Variants in MTHFD1 observed in about 807,000 individuals in gnomAD.
MTHFD1 encodes methylenetetrahydrofolate dehydrogenase, cyclohydrolase and formyltetrahydrofolate synthetase 1, also known as C-1-tetrahydrofolate synthase, cytoplasmic.
In MTHFD1, 44 loss-of-function variants were observed where a neutral mutation model predicts 110.3. The observed-to-expected ratio is 0.40, with a 90% confidence interval of 0.31 to 0.51. The LOEUF is 0.51. Ranked by LOEUF, MTHFD1 falls within the 20% of genes least tolerant of loss-of-function variation. MTHFD1 has a pLI of 0.60. For missense variants in MTHFD1, 909 were observed against 1,173.1 expected, an observed-to-expected ratio of 0.77 and a Z score of 3.29; for synonymous variants, 402 against 428.8, an observed-to-expected ratio of 0.94 and a Z score of 0.77.
intron 8 of MTHFD1, among the ~76,000 whole-genome samples, chr14:64,421,744 C>T (rs1482971861): frequency 6.6e-6 from 1 of 152,160 alleles, no homozygotes; most frequent in Non-Finnish European, 1.5e-5. Flanking sequence ...CCGCCTCCGC[C>T]TCCCGAGTAG....
intron 26 of MTHFD1, 79 bp from the exon 27 acceptor site, chr14:64,458,135 C>T: frequency 8.8e-7 from 1 of 1,140,346 alleles, no homozygotes; most frequent in Non-Finnish European, 1.3e-6. Flanking sequence ...AAGTGATCCT[C>T]TCCACCTCAG....
At chr14:64,418,593 G>A (rs1014467283) in intron 7 of MTHFD1, among the ~76,000 whole-genome samples, 1 of 150,962 alleles carries the variant, frequency 6.6e-6, no homozygotes, top group African/African-American at 2.4e-5. Flanking sequence ...TTTCACTCTT[G>A]TTGCCCAGGC....
rs1453699226 is a variant in MTHFD1 at position 64,459,670 on chromosome 14, G to A, written c.*5-89G>A. On this transcript the variant is annotated intron_variant, in intron 27 of 27. Transcript: ENST00000652337. ...TGTAAATGTTAACAGCTTTGGCAAT[G>A]TGAGTGGGTAATGGTGCAGTATGGA... 1.7e-5 allele frequency: 19 copies of A among 1,129,534 alleles called. No individual in the cohort carries two copies. In the Admixed American group the frequency reaches 4.8e-4, roughly 29 times the overall value. The allele number at this position is 1,129,534 out of a possible 1,614,324, so 70.0% of individuals were successfully genotyped here.
intron 1 of MTHFD1, among the ~76,000 whole-genome samples, chr14:64,391,225 C>G (rs2140939088): frequency 6.6e-6 from 1 of 152,266 alleles, no homozygotes; most frequent in Middle Eastern, 3.4e-3. Context: ...AGTGCAATGG[C>G]ACGATGTTGT....
Position 64,411,138 on chromosome 14 carries a change from G to A in MTHFD1, c.175G>A (p.Ala59Thr). 1.9e-6 allele frequency: 3 copies of A among 1,612,908 alleles called. No homozygotes were observed. Among genetic ancestry groups the A allele is most frequent in the African/African-American group, 2.7e-5 (2 of 75,024 alleles). ...TCTTTATATAAATGTGAAGCTGAAG[G>A]CTGCTGAAGAGGTAACGCCAGAAGA... ...SNLYINVKLK[A>T]AEEIGIKATH... The change falls in exon 3 of 28, where the codon GCT becomes ACT. Residue 59 changes from alanine to threonine, a missense_variant. Physicochemically the swap from Ala to Thr is moderately conservative, Grantham distance 58. Transcript: ENST00000652337.
At position 64,449,479 on chromosome 14, in the gene MTHFD1, C is replaced by T. The variant is rs372827157; in HGVS notation, c.2314C>T (p.Arg772Cys). 19 of 1,613,942 alleles carry T rather than the reference C, an allele frequency of 1.2e-5. No homozygotes were observed. The highest frequency in any genetic ancestry group is 5.0e-5 in the Admixed American group (3 of 60,022). ...AGAGTCTGAGCTGGACCTCATCAGC[C>T]GCCTTTCCAGAGAACATGGGGCTTT... ...DTESELDLIS[R>C]LSREHGAFDA... The change falls in exon 24 of 28, where the codon CGC (arginine) becomes TGC (cysteine). Residue 772 changes from arginine (R) to cysteine (C), a missense_variant. Physicochemically the swap from Arg to Cys is radical, Grantham distance 180. Transcript: ENST00000652337.
chr14:64,410,131 AT>A (rs770252646), intron 2 of MTHFD1, among the ~76,000 whole-genome samples: 2 of 152,252 alleles, frequency 1.3e-5, no homozygotes, highest in African/African-American at 2.4e-5. Flanking sequence ...AAATATGTTC[AT>A]GGTCAAAGAA....
intron 1 of MTHFD1, among the ~76,000 whole-genome samples, chr14:64,395,434 G>A (rs1253970844): frequency 6.6e-6 from 1 of 152,146 alleles, no homozygotes; most frequent in African/African-American, 2.4e-5. Context: ...TGAGTGGGTG[G>A]GGGTGGGGGA....
At chr14:64,420,896 G>A (rs1164103197) in intron 8 of MTHFD1, among the ~76,000 whole-genome samples, 1 of 152,124 alleles carries the variant, frequency 6.6e-6, no homozygotes. Flanking sequence ...TGCATTCTTA[G>A]TGGAGTGGGC....
chr14:64,390,320 T>C (rs977251305), intron 1 of MTHFD1: 5 of 150,910 alleles, frequency 3.3e-5, no homozygotes, highest in Non-Finnish European at 5.9e-5. Context: ...TTATCTTTTT[T>C]TTTTTTTACA....
intron 23 of MTHFD1, 125 bp from the exon 24 acceptor site, chr14:64,449,320 G>A: frequency 8.6e-7 from 1 of 1,160,124 alleles, no homozygotes; most frequent in South Asian, 1.2e-5. Flanking sequence ...TCAAACCCAG[G>A]CCAAATTTCT....
chr14:64,413,127 A>G (rs2077997521), intron 4 of MTHFD1, among the ~76,000 whole-genome samples: 1 of 151,336 alleles, frequency 6.6e-6, no homozygotes, highest in Non-Finnish European at 1.5e-5. Flanking sequence ...CGAGGTGGGC[A>G]GATCACCTGA....
At chr14:64,455,103 T>C (rs1283309077) in intron 26 of MTHFD1, 9 of 534,168 alleles carry the variant, frequency 1.7e-5, no homozygotes, top group Non-Finnish European at 3.0e-5. Flanking sequence ...GGACTACTCA[T>C]ACTGAATAAA....
chr14:64,428,102 G>GT (rs11289659), intron 12 of MTHFD1, among the ~76,000 whole-genome samples: 2,491 of 74,258 alleles, frequency 0.034, 81 homozygotes, highest in African/African-American at 0.06. Flanking sequence ...AAGAACATGT[G>GT]TTTTTTTTTT....
At chr14:64,446,684 A>G (rs1278475191) in intron 22 of MTHFD1, among the ~76,000 whole-genome samples, 1 of 151,872 alleles carries the variant, frequency 6.6e-6, no homozygotes, top group Non-Finnish European at 1.5e-5. Flanking sequence ...TGCGACTACA[A>G]GCACCCACCA....
chr14:64,412,141 C>T (rs1484529499), intron 3 of MTHFD1, among the ~76,000 whole-genome samples: 1 of 152,096 alleles, frequency 6.6e-6, no homozygotes, highest in Non-Finnish European at 1.5e-5. Context: ...AGCTTTTCAT[C>T]TTGTAACATC....
intron 16 of MTHFD1, among the ~76,000 whole-genome samples, chr14:64,436,240 A>G (rs558483044): frequency 2.0e-4 from 30 of 151,928 alleles, no homozygotes; most frequent in African/African-American, 6.0e-4. Flanking sequence ...GACTACAGGC[A>G]CCCGCCATCA....
chr14:64,414,412 C>T (rs571741540), intron 4 of MTHFD1, among the ~76,000 whole-genome samples: 49 of 151,494 alleles, frequency 3.2e-4, no homozygotes, highest in African/African-American at 1.0e-3. Context: ...ATGCCTCAGC[C>T]TCCTGAGAGG....
rs540368490 is a variant in MTHFD1 at position 64,427,457 on chromosome 14, C to T, written c.1248C>T (p.Pro416=). The T allele has an allele frequency of 6.2e-7, 1 of 1,614,198 alleles. No homozygotes were observed. Among genetic ancestry groups the T allele is most frequent in the Non-Finnish European group, 8.5e-7 (1 of 1,180,036 alleles). The change falls in exon 12 of 28, where the codon CCC becomes CCT. Residue 416 remains proline (P), a synonymous_variant. Transcript: ENST00000652337. ...GTGTGCGACAGCCTTCTCAGGGCCC[C>T]ACCTTTGGAATAAAAGGTACTAGTG... ...FACVRQPSQG[P]TFGIKGGAAG...
Sources: allele counts gnomAD v4.1 joint callset (sites outside exome capture counted in the v4.1 genomes callset), GRCh38; gene constraint gnomAD v4.1.1; transcripts MANE v1.5; gene names NCBI Gene and HGNC (gene_info 2026-07-23, HGNC 2026-07-21).